The following CDH13 variants were observed in gnomAD, a reference collection of about 807,000 sequenced individuals.
CDH13 encodes the protein cadherin-13.
CDH13 carries 24 observed loss-of-function variants against 63.8 expected under a neutral mutation model. That is an observed-to-expected ratio of 0.38 (90% CI 0.27 to 0.53). The LOEUF is 0.53. Ranked by LOEUF, CDH13 falls within the 20% of genes least tolerant of loss-of-function variation. CDH13 has a pLI of 0.85. For missense variants in CDH13, 1,049 were observed against 903.1 expected, an observed-to-expected ratio of 1.16 and a Z score of -2.07; for synonymous variants, 503 against 355.3, an observed-to-expected ratio of 1.42 and a Z score of -4.67.
chr16:83,749,657 A>G (rs1208288567), intron 11 of CDH13, among the ~76,000 whole-genome samples: 1 of 152,198 alleles, frequency 6.6e-6, no homozygotes, highest in African/African-American at 2.4e-5. Context: ...ATGTTCAGCA[A>G]CTGAGAGCTG....
chr16:83,680,274 T>C (rs1915297956), intron 10 of CDH13, among the ~76,000 whole-genome samples: 1 of 152,162 alleles, frequency 6.6e-6, no homozygotes, highest in African/African-American at 2.4e-5. Flanking sequence ...TCTGCCTTGC[T>C]GGAGCTGGGG....
intron 6 of CDH13, among the ~76,000 whole-genome samples, chr16:83,395,316 A>G (rs1208057351): frequency 6.6e-6 from 1 of 151,564 alleles, no homozygotes; most frequent in Admixed American, 6.6e-5. Flanking sequence ...TCTGTCTCAA[A>G]AAAAAAAAAA....
intron 10 of CDH13, among the ~76,000 whole-genome samples, chr16:83,736,360 C>G (rs1461111439): frequency 6.6e-6 from 1 of 152,040 alleles, no homozygotes; most frequent in Admixed American, 6.5e-5. Context: ...TGTTAAGGTC[C>G]TAGTCTCTCA....
chr16:83,179,500 A>AAAAAAAAAAAAAAAAC, intron 4 of CDH13, among the ~76,000 whole-genome samples: 1 of 149,794 alleles, frequency 6.7e-6, no homozygotes, highest in African/African-American at 2.5e-5. Flanking sequence ...AAAAAAAAAA[A>AAAAAAAAAAAAAAAAC]AATTAGCCGG....
At chr16:83,118,723 G>A (rs116308858) in intron 3 of CDH13, among the ~76,000 whole-genome samples, 121 of 152,032 alleles carry the variant, frequency 8.0e-4, no homozygotes, top group African/African-American at 2.7e-3. Context: ...CCTAGAGGAC[G>A]GGCACATTAT....
At chr16:83,477,201 C>A (rs1284489692) in intron 6 of CDH13, among the ~76,000 whole-genome samples, 1 of 152,214 alleles carries the variant, frequency 6.6e-6, no homozygotes, top group Non-Finnish European at 1.5e-5. Flanking sequence ...ATCTCTTTAT[C>A]AGTATAAAAA....
At chr16:83,685,562 A>T (rs539066178) in intron 10 of CDH13, among the ~76,000 whole-genome samples, 1 of 152,216 alleles carries the variant, frequency 6.6e-6, no homozygotes, top group Non-Finnish European at 1.5e-5. Flanking sequence ...TGAAAGAAAT[A>T]GTCTCTGTCT....
intron 1 of CDH13, among the ~76,000 whole-genome samples, chr16:82,633,259 T>C (rs1408909589): frequency 6.6e-6 from 1 of 152,232 alleles, no homozygotes; most frequent in Non-Finnish European, 1.5e-5. Context: ...CCTCACGGTA[T>C]AGACATAACC....
chr16:82,708,572 T>C (rs1379695127), intron 1 of CDH13, among the ~76,000 whole-genome samples: 1 of 152,198 alleles, frequency 6.6e-6, no homozygotes, highest in Non-Finnish European at 1.5e-5. Flanking sequence ...TCTACTTTCT[T>C]GACCTTGGGT....
At chr16:83,272,639 A>C (rs2088860716) in intron 5 of CDH13, among the ~76,000 whole-genome samples, 1 of 152,206 alleles carries the variant, frequency 6.6e-6, no homozygotes. Flanking sequence ...ATCTCTAGCA[A>C]ATCATAATCA....
chr16:83,039,364 T>G (rs1023516417), intron 3 of CDH13, among the ~76,000 whole-genome samples: 5 of 152,232 alleles, frequency 3.3e-5, no homozygotes, highest in Non-Finnish European at 7.3e-5. Context: ...TGCTCATCTC[T>G]AAGTGGCTTG....
intron 1 of CDH13, among the ~76,000 whole-genome samples, chr16:82,646,904 G>A (rs2150899753): frequency 6.6e-6 from 1 of 152,314 alleles, no homozygotes; most frequent in Non-Finnish European, 1.5e-5. Context: ...TAATGAAGAG[G>A]CTGTTATGGG....
chr16:83,321,810 G>C (rs1229289930), intron 5 of CDH13, among the ~76,000 whole-genome samples: 2 of 152,170 alleles, frequency 1.3e-5, no homozygotes, highest in Non-Finnish European at 2.9e-5. Context: ...TTACAGGCGT[G>C]AGCTCTGCGC....
In CDH13 at chr16:83,104,635, G is replaced by A. The variant is rs559314060; in HGVS notation, c.367-20750G>A. On this transcript the variant is annotated intron_variant, in intron 3 of 13. Coordinates refer to ENST00000567109, the MANE Select transcript of CDH13 (RefSeq NM_001257.5). ...GTACCAGGCGGTGGCGGGGGTGGGC[G>A]GGGGAAATAGTGTAATTTAGGTTAA... 9.2e-5 allele frequency among the ~76,000 whole-genome samples: 14 copies of A among 152,090 alleles called. No individual in the cohort carries two copies. In the East Asian group the frequency reaches 1.5e-3, roughly 17 times the overall value.
chr16:83,734,459 A>C (rs1331600048), intron 10 of CDH13, among the ~76,000 whole-genome samples: 1 of 152,082 alleles, frequency 6.6e-6, no homozygotes, highest in Admixed American at 6.6e-5. Flanking sequence ...GGAAATCATC[A>C]TTCTCAGTAA....
At chr16:83,213,993 C>G (rs376899496) in intron 4 of CDH13, among the ~76,000 whole-genome samples, 2 of 152,038 alleles carry the variant, frequency 1.3e-5, no homozygotes, top group South Asian at 2.1e-4. Context: ...TAAAGTGGGC[C>G]AATCAGCACT....
chr16:82,678,828 C>T (rs552845729), intron 1 of CDH13, among the ~76,000 whole-genome samples: 5 of 152,290 alleles, frequency 3.3e-5, no homozygotes, highest in African/African-American at 1.2e-4. Flanking sequence ...CCAGTACTCA[C>T]AGCAAAATAT....
At chr16:83,572,793 A>G (rs1358064705) in intron 7 of CDH13, among the ~76,000 whole-genome samples, 1 of 152,230 alleles carries the variant, frequency 6.6e-6, no homozygotes, top group African/African-American at 2.4e-5. Flanking sequence ...CATTTCTCCT[A>G]TAAATTTCAG....
At chr16:83,672,351 A>G (rs918971233) in intron 9 of CDH13, among the ~76,000 whole-genome samples, 4 of 141,278 alleles carry the variant, frequency 2.8e-5, no homozygotes, top group Non-Finnish European at 6.0e-5. Context: ...ATAGATGTCC[A>G]TCTTCTTCTC....
Sources: allele counts gnomAD v4.1 joint callset (sites outside exome capture counted in the v4.1 genomes callset), GRCh38; gene constraint gnomAD v4.1.1; transcripts MANE v1.5; gene names NCBI Gene and HGNC (gene_info 2026-07-23, HGNC 2026-07-21).